The following KLRG1 variants were observed in gnomAD, a reference collection of about 807,000 sequenced individuals.
KLRG1 encodes the protein killer cell lectin-like receptor subfamily G member 1.
KLRG1 carries 16 observed loss-of-function variants against 21.8 expected under a neutral mutation model. That is an observed-to-expected ratio of 0.73 (90% confidence interval 0.50 to 1.11). KLRG1 has a LOEUF of 1.11. Among genes scored for constraint, KLRG1 ranks in the 50% most tolerant of loss-of-function variants. The pLI is 0.00. For synonymous variants in KLRG1, 69 were observed against 75.9 expected (o/e 0.91, Z 0.47); for missense variants, 173 against 218.3 (o/e 0.79, Z 1.31).
the KLRG1 span, among the ~76,000 whole-genome samples, chr12:9,075,839 G>A: frequency 6.6e-6 from 1 of 152,118 alleles, no homozygotes; most frequent in Non-Finnish European, 1.5e-5. Flanking sequence ...TTTTTCCCAT[G>A]TCGGTAATTT....
chr12:9,089,126 A>G, the KLRG1 span: 1 of 1,159,636 alleles, frequency 8.6e-7, no homozygotes, highest in African/African-American at 1.5e-5. Flanking sequence ...AAGTGTAGGA[A>G]TAATATATAA....
chr12:9,106,131 A>C, the KLRG1 span: 1 of 639,866 alleles, frequency 1.6e-6, no homozygotes, highest in Non-Finnish European at 2.8e-6. Context: ...TTTTGGTTAT[A>C]TTAAATGATA....
intron 1 of KLRG1, among the ~76,000 whole-genome samples, chr12:8,961,761 T>C (rs1592237595): frequency 6.6e-6 from 1 of 152,124 alleles, no homozygotes. Flanking sequence ...CTCTGTAGCA[T>C]ACAATTCACA....
chr12:8,964,244 C>T (rs1946427548), intron 1 of KLRG1, among the ~76,000 whole-genome samples: 1 of 152,132 alleles, frequency 6.6e-6, no homozygotes, highest in Non-Finnish European at 1.5e-5. Flanking sequence ...TGTCTTTGTT[C>T]CTGTTGGTTT....
At chr12:9,008,803 T>C (rs751078697) in intron 3 of KLRG1, among the ~76,000 whole-genome samples, 172 bp from the exon 4 acceptor site, 6 of 152,282 alleles carry the variant, frequency 3.9e-5, no homozygotes, top group African/African-American at 1.2e-4. Flanking sequence ...GTTCAACATA[T>C]TGATTTTAGG....
At chr12:9,127,106 C>T in the KLRG1 span, among the ~76,000 whole-genome samples, 1 of 152,198 alleles carries the variant, frequency 6.6e-6, no homozygotes, top group Non-Finnish European at 1.5e-5. Context: ...CCTCATTCTT[C>T]TCTTCTCTGC....
At chr12:8,978,154 T>C (rs1026523747) in intron 1 of KLRG1, among the ~76,000 whole-genome samples, 36 of 152,210 alleles carry the variant, frequency 2.4e-4, no homozygotes, top group Non-Finnish European at 1.2e-4. Context: ...TCTGTGTTTG[T>C]CTATATACCT....
chr12:8,992,886 CCTTT>C (rs930198271), intron 2 of KLRG1, among the ~76,000 whole-genome samples: 10 of 151,912 alleles, frequency 6.6e-5, no homozygotes, highest in African/African-American at 2.2e-4. Context: ...ATTTCTCCCA[CCTTT>C]CTTTCTTTTA....
At chr12:9,007,230 A>G (rs746280289) in intron 3 of KLRG1, among the ~76,000 whole-genome samples, 18 of 152,132 alleles carry the variant, frequency 1.2e-4, no homozygotes, top group Non-Finnish European at 2.2e-4. Flanking sequence ...TGTCTCCACT[A>G]GAAGTGCAAA....
the KLRG1 span, among the ~76,000 whole-genome samples, chr12:9,044,679 A>G: frequency 1.3e-5 from 2 of 152,062 alleles, no homozygotes; most frequent in Admixed American, 1.3e-4. Flanking sequence ...AAAACAAAAA[A>G]AAAACCCCAA....
At chr12:9,012,700 A>G (rs1947648858), downstream of KLRG1, among the ~76,000 whole-genome samples, 1 of 151,972 alleles carries the variant, frequency 6.6e-6, no homozygotes, top group South Asian at 2.1e-4. Context: ...TAGAGCACCA[A>G]GTAAGCACCT....
chr12:9,179,167 G>A, the KLRG1 span, among the ~76,000 whole-genome samples: 2 of 151,964 alleles, frequency 1.3e-5, no homozygotes, highest in African/African-American at 4.8e-5. Flanking sequence ...GTTTTAAATA[G>A]GTTAGACAAG....
the KLRG1 span, among the ~76,000 whole-genome samples, chr12:9,191,302 A>G: frequency 3.3e-4 from 51 of 152,256 alleles, 3 homozygotes; most frequent in African/African-American, 1.1e-3. Flanking sequence ...TTGAAGAACA[A>G]TGTACACAGT....
the KLRG1 span, chr12:9,194,083 A>T: frequency 1.9e-6 from 3 of 1,613,190 alleles, no homozygotes; most frequent in Non-Finnish European, 2.5e-6. Flanking sequence ...TTACCCGGAC[A>T]AAAAGTTTAT....
At chr12:9,079,905 A>G in the KLRG1 span, 1 of 1,293,404 alleles carries the variant, frequency 7.7e-7, no homozygotes, top group Middle Eastern at 2.2e-4. Flanking sequence ...GAGCTTAGAA[A>G]TTGAGAATTT....
chr12:9,112,415 A>G, the KLRG1 span: 7 of 1,613,590 alleles, frequency 4.3e-6, no homozygotes, highest in Non-Finnish European at 5.9e-6. Flanking sequence ...GTCTGTCTGG[A>G]CAAAGACCAG....
the KLRG1 span, among the ~76,000 whole-genome samples, chr12:9,031,331 T>A: frequency 6.6e-6 from 1 of 152,178 alleles, no homozygotes; most frequent in Admixed American, 6.5e-5. Flanking sequence ...AGAATTAGGA[T>A]CCTTAAACAA....
the KLRG1 span, among the ~76,000 whole-genome samples, chr12:9,214,935 G>A: frequency 3.3e-5 from 5 of 151,828 alleles, no homozygotes; most frequent in East Asian, 1.9e-4. Context: ...TTAAAATCAG[G>A]TATTTGATTT....
chr12:9,161,872 C>T, the KLRG1 span, among the ~76,000 whole-genome samples: 1 of 152,088 alleles, frequency 6.6e-6, no homozygotes, highest in Non-Finnish European at 1.5e-5. Flanking sequence ...GTAGGAAATG[C>T]TATATGTTTT....
Sources: allele counts gnomAD v4.1 joint callset (sites outside exome capture counted in the v4.1 genomes callset), GRCh38; gene constraint gnomAD v4.1.1; transcripts MANE v1.5; gene names NCBI Gene and HGNC (gene_info 2026-07-23, HGNC 2026-07-21).